Variants in CUX2 observed in about 807,000 individuals in gnomAD.
CUX2 encodes the protein cut like homeobox 2.
CUX2 carries 40 observed loss-of-function variants against 144.8 expected under a neutral mutation model. The observed-to-expected ratio is 0.28, with a 90% confidence interval of 0.21 to 0.36. The LOEUF (loss-of-function observed/expected upper bound fraction) is 0.36. Ranked by LOEUF, CUX2 falls within the 10% of genes least tolerant of loss-of-function variation. The probability of loss-of-function intolerance (pLI) is 1.00; values close to 1 mark genes in which losing one functional copy is unlikely to be tolerated. For missense variants in CUX2, 1,615 were observed against 1,994.0 expected (o/e 0.81, Z 3.62); for synonymous variants, 827 against 875.6 (o/e 0.94, Z 0.98).
In CUX2 at chr12:111,310,719, A is replaced by C; in HGVS notation, c.1900+37A>C. 1 of 1,549,504 alleles carries C rather than the reference A, an allele frequency of 6.5e-7. No individual in the cohort carries two copies. The highest frequency in any genetic ancestry group is 1.2e-5 in the South Asian group (1 of 81,848). ...AGAGGGCCCGTCCCCGCTGGCCACC[A>C]CGCCAGGTCCAGGGCATCAGGGCTG... On this transcript the variant is annotated intron_variant, in intron 15 of 21. Coordinates refer to ENST00000261726, the MANE Select transcript of CUX2 (RefSeq NM_015267.4). The surrounding 1 kb of genome is among the most constrained non-coding windows in gnomAD (Gnocchi z 7.9).
Position 111,293,429 on chromosome 12 carries a change from T to A in CUX2, c.437-17T>A. 6.3e-7 allele frequency: 1 copy of A among 1,597,488 alleles called. No homozygotes were observed. The highest frequency in any genetic ancestry group is 8.5e-7 in the Non-Finnish European group (1 of 1,173,046). On this transcript the variant is annotated splice_polypyrimidine_tract_variant and intron_variant, in intron 5 of 21. Transcript: ENST00000261726. The surrounding 1 kb of genome is among the most constrained non-coding windows in gnomAD (Gnocchi z 4.5). ...CTCTCTTGGCAATGGGGGTTTTCCC[T>A]CTTTTTCTCCCTGCAGAGCAGAGAG...
chr12:111,134,637 T>C lies in CUX2; in HGVS notation c.64-79563T>C, dbSNP rs144811600. 1.0e-3 allele frequency among the ~76,000 whole-genome samples: 158 copies of C among 152,128 alleles called. 1 individual carries two copies. The highest frequency in any genetic ancestry group is 3.5e-3 in the South Asian group (17 of 4,810). ...CTCTCTCTCTGTGTGTGTGTGTGTG[T>C]GTGTGTGTGTGTTTCTGCTGCTGGT... On this transcript the variant is annotated intron_variant, in intron 1 of 21. Transcript: ENST00000261726.
chr12:111,063,309 C>T (rs1304912362), intron 1 of CUX2, among the ~76,000 whole-genome samples: 1 of 151,824 alleles, frequency 6.6e-6, no homozygotes, highest in Non-Finnish European at 1.5e-5. Context: ...GAGAAGGATC[C>T]AAAAAAAACA....
intron 4 of CUX2, among the ~76,000 whole-genome samples, chr12:111,269,475 C>T (rs1341524047): frequency 6.6e-6 from 1 of 152,196 alleles, no homozygotes; most frequent in African/African-American, 2.4e-5. Context: ...ACCCTACAAA[C>T]ACAGACATGG....
chr12:111,053,365 G>T (rs1269573457), intron 1 of CUX2, among the ~76,000 whole-genome samples: 2 of 152,100 alleles, frequency 1.3e-5, no homozygotes, highest in African/African-American at 2.4e-5. Context: ...TCATCTCTGG[G>T]GCCATCCAAG....
At chr12:111,205,778 G>A (rs1051482573) in intron 1 of CUX2, among the ~76,000 whole-genome samples, 16 of 152,176 alleles carry the variant, frequency 1.1e-4, no homozygotes, top group African/African-American at 3.9e-4. Flanking sequence ...CAAAGCCAAC[G>A]TTTGAACCCA....
intron 1 of CUX2, among the ~76,000 whole-genome samples, chr12:111,179,324 C>T (rs943817221): frequency 3.9e-5 from 6 of 152,142 alleles, no homozygotes; most frequent in African/African-American, 1.4e-4. Flanking sequence ...CAACACCCGC[C>T]GTGGAGGAGT....
chr12:111,307,177 C>T lies in CUX2; in HGVS notation c.1051-22C>T, dbSNP rs1456331304. On this transcript the variant is annotated intron_variant, in intron 11 of 21. Transcript: ENST00000261726. This position sits in a 1 kb window ranked among gnomAD's most constrained non-coding sequence, Gnocchi z 4.1. ...TGCAGAAGCACACAGACCAGCCTCA[C>T]CATCTTTCTTTGCTCTTCTAGAAGC... The T allele has an allele frequency of 1.9e-6, 3 of 1,613,938 alleles. No individual in the cohort carries two copies. Among genetic ancestry groups the T allele is most frequent in the Admixed American group, 3.3e-5 (2 of 59,996 alleles).
intron 1 of CUX2, among the ~76,000 whole-genome samples, chr12:111,108,756 C>CCT (rs761286912): frequency 6.0e-5 from 9 of 149,396 alleles, no homozygotes; most frequent in Admixed American, 4.7e-4. Context: ...TCTCTTTCTC[C>CCT]CTCTCTCTCT....
Position 111,304,093 on chromosome 12 carries a change from G to T in CUX2, c.754-117G>T. On this transcript the variant is annotated intron_variant, in intron 9 of 21. Transcript: ENST00000261726. The surrounding 1 kb of genome is among the most constrained non-coding windows in gnomAD (Gnocchi z 4.7). ...CAGGACAGGGTCCGGGACTAGGAAG[G>T]CAGGACCTGAGGCCCTCGGAGGTCT... The T allele has an allele frequency of 1.4e-6, 1 of 734,356 alleles. No individual in the cohort carries two copies. Among genetic ancestry groups the T allele is most frequent in the Non-Finnish European group, 2.3e-6 (1 of 429,332 alleles). 45.5% of individuals were successfully genotyped at this position (734,356 alleles called of 1,614,324 possible).
intron 1 of CUX2, among the ~76,000 whole-genome samples, chr12:111,113,470 C>T (rs1159493010): frequency 2.0e-5 from 3 of 152,086 alleles, no homozygotes; most frequent in Non-Finnish European, 1.5e-5. Context: ...TCTCTGACCA[C>T]ATTGCTTTGC....
intron 18 of CUX2, among the ~76,000 whole-genome samples, chr12:111,330,364 G>A (rs774017212): frequency 6.6e-6 from 1 of 152,078 alleles, no homozygotes; most frequent in Non-Finnish European, 1.5e-5. Flanking sequence ...CTCACAGTTG[G>A]TAGATGAGAG....
Position 111,268,241 on chromosome 12 carries a change from A to G in CUX2, c.301+4402A>G, listed in dbSNP as rs1489442592. Among the ~76,000 whole-genome samples the G allele has an allele frequency of 2.6e-5, 4 of 151,244 alleles. No homozygotes were observed. In the East Asian group the frequency reaches 7.8e-4, roughly 29 times the overall value. On this transcript the variant is annotated intron_variant, in intron 4 of 21. Coordinates refer to ENST00000261726, the MANE Select transcript of CUX2 (RefSeq NM_015267.4). ...TTGTTTTTTGTTTTTTGTTTTTTTT[A>G]AGAGACAGGGTCTTGCTCTGTTTCC...
At chr12:111,053,212 C>G (rs1375369324) in intron 1 of CUX2, among the ~76,000 whole-genome samples, 1 of 152,236 alleles carries the variant, frequency 6.6e-6, no homozygotes, top group African/African-American at 2.4e-5. Flanking sequence ...GCGCCTGGCA[C>G]ATACCAGGGG....
chr12:111,060,431 C>T lies in CUX2; in HGVS notation c.63+26191C>T, dbSNP rs547328473. On this transcript the variant is annotated intron_variant, in intron 1 of 21. Transcript: ENST00000261726. ...TGATCTGGGAGGCTCTCCTGAACCT[C>T]CTGGCTGGATTAGGGGGCTCCCCCA... Among the ~76,000 whole-genome samples the T allele has an allele frequency of 2.6e-5, 4 of 152,362 alleles. No individual in the cohort carries two copies. In the South Asian group the frequency reaches 6.2e-4, roughly 24 times the overall value.
At chr12:111,226,937 G>A (rs1031236453) in intron 3 of CUX2, among the ~76,000 whole-genome samples, 8 of 152,226 alleles carry the variant, frequency 5.3e-5, no homozygotes, top group African/African-American at 1.9e-4. Flanking sequence ...GCCAGTCGGT[G>A]GGGAGATAAG....
At chr12:111,270,557 T>C (rs368826354) in intron 4 of CUX2, 1 of 151,980 alleles carries the variant, frequency 6.6e-6, no homozygotes, top group East Asian at 1.9e-4. Context: ...TGGTGATGGC[T>C]GATTCCTTTA....
intron 3 of CUX2, among the ~76,000 whole-genome samples, chr12:111,239,414 C>T (rs1882913330): frequency 6.6e-6 from 1 of 152,162 alleles, no homozygotes; most frequent in South Asian, 2.1e-4. Context: ...CACAGAAACA[C>T]AATCTATCAA....
chr12:111,272,662 C>T (rs142155245), intron 4 of CUX2, among the ~76,000 whole-genome samples: 11,410 of 152,096 alleles, frequency 0.075, 464 homozygotes, highest in South Asian at 0.13. Flanking sequence ...CAAGGTTTCA[C>T]CATGTTGGTC....
Sources: allele counts gnomAD v4.1 joint callset (sites outside exome capture counted in the v4.1 genomes callset), GRCh38; gene constraint gnomAD v4.1.1; non-coding constraint Gnocchi (gnomAD v3.1); transcripts MANE v1.5; gene names NCBI Gene and HGNC (gene_info 2026-07-23, HGNC 2026-07-21).